Variants in ROCK1 observed in about 807,000 individuals in gnomAD.
The protein encoded by ROCK1 is Rho associated coiled-coil containing protein kinase 1.
ROCK1 carries 36 observed loss-of-function variants against 196.8 expected under a neutral mutation model. The observed-to-expected ratio is 0.18, with a 90% CI of 0.14 to 0.24. The LOEUF is 0.24. Among genes scored for constraint, ROCK1 ranks in the 10% least tolerant of loss-of-function variants. The probability of loss-of-function intolerance (pLI) is 1.00; values close to 1 mark genes in which losing one functional copy is unlikely to be tolerated. For synonymous variants in ROCK1, 443 were observed against 515.9 expected (o/e 0.86, Z 1.91); for missense variants, 920 against 1,562.0 (o/e 0.59, Z 6.93).
At chr18:21,060,192 T>C (rs2036276978) in intron 2 of ROCK1, among the ~76,000 whole-genome samples, 1 of 152,248 alleles carries the variant, frequency 6.6e-6, no homozygotes, top group African/African-American at 2.4e-5. Context: ...GTGAATTTTA[T>C]AGCATGTAAA....
intron 16 of ROCK1, among the ~76,000 whole-genome samples, chr18:20,999,466 T>C (rs1032454778): frequency 4.6e-5 from 7 of 151,998 alleles, no homozygotes; most frequent in East Asian, 1.9e-4. Flanking sequence ...ATTAAAAATA[T>C]GTAAAGCAAG....
At chr18:21,053,657 A>G (rs574223700) in intron 2 of ROCK1, among the ~76,000 whole-genome samples, 1 of 152,212 alleles carries the variant, frequency 6.6e-6, no homozygotes, top group Non-Finnish European at 1.5e-5. Context: ...ACAACATACC[A>G]AGACTTGTCT....
intron 1 of ROCK1, among the ~76,000 whole-genome samples, chr18:21,084,766 G>A (rs561480160): frequency 5.9e-5 from 9 of 152,290 alleles, no homozygotes; most frequent in African/African-American, 2.2e-4. Context: ...TACACCCAAA[G>A]GAACCGAAAG....
chr18:20,970,764 T>G (rs1289785546), intron 22 of ROCK1, among the ~76,000 whole-genome samples: 1 of 152,168 alleles, frequency 6.6e-6, no homozygotes, highest in Non-Finnish European at 1.5e-5. Flanking sequence ...CATAAAGCAA[T>G]AGCAAATAGT....
chr18:21,033,854 T>TAAAAAAAAAAAAGAAAAAA (rs2036031876), intron 9 of ROCK1, among the ~76,000 whole-genome samples: 1 of 33,464 alleles, frequency 3.0e-5, no homozygotes. Context: ...CCGTTTCTAC[T>TAAAAAAAAAAAAGAAAAAA]AAAAAAAAAA....
intron 1 of ROCK1, among the ~76,000 whole-genome samples, chr18:21,074,938 T>C (rs574357854): frequency 1.9e-4 from 29 of 152,160 alleles, no homozygotes; most frequent in African/African-American, 7.0e-4. Flanking sequence ...CAAGGCAATC[T>C]AGAGGTGAAA....
intron 2 of ROCK1, among the ~76,000 whole-genome samples, chr18:21,054,662 T>A (rs1420318984): frequency 2.6e-5 from 4 of 152,196 alleles, no homozygotes; most frequent in Non-Finnish European, 1.5e-5. Context: ...ACAGTTTTAC[T>A]TCCTGATTTA....
At chr18:21,055,329 C>T (rs1462922444) in intron 2 of ROCK1, among the ~76,000 whole-genome samples, 3 of 151,974 alleles carry the variant, frequency 2.0e-5, no homozygotes, top group African/African-American at 7.3e-5. Context: ...TCCCACTCTC[C>T]TAGAGACGTA....
intron 1 of ROCK1, among the ~76,000 whole-genome samples, chr18:21,087,017 T>C (rs1438528476): frequency 6.6e-6 from 1 of 152,172 alleles, no homozygotes; most frequent in Non-Finnish European, 1.5e-5. Flanking sequence ...AAGAAGATAT[T>C]AAACATGAAT....
intron 16 of ROCK1, among the ~76,000 whole-genome samples, chr18:21,003,279 C>T (rs1319560834): frequency 6.6e-6 from 1 of 151,848 alleles, no homozygotes; most frequent in Non-Finnish European, 1.5e-5. Context: ...AAAGAGATTA[C>T]AAAGAACACA....
intron 1 of ROCK1, among the ~76,000 whole-genome samples, chr18:21,084,882 G>A (rs370548674): frequency 1.3e-5 from 2 of 152,144 alleles, no homozygotes; most frequent in South Asian, 2.1e-4. Flanking sequence ...ATGGATAAAA[G>A]GTGGTATGTA....
chr18:20,961,659 T>G (rs895614112), intron 27 of ROCK1, among the ~76,000 whole-genome samples: 4 of 152,126 alleles, frequency 2.6e-5, no homozygotes, highest in Non-Finnish European at 5.9e-5. Context: ...TTGACTGAAT[T>G]GTGGGAAATA....
intron 1 of ROCK1, among the ~76,000 whole-genome samples, chr18:21,073,935 T>C (rs776143527): frequency 9.2e-5 from 14 of 152,256 alleles, no homozygotes; most frequent in Admixed American, 8.5e-4. Flanking sequence ...GGAGGATCAC[T>C]TGAAACCAGG....
Position 21,015,325 on chromosome 18 carries a change from T to C in ROCK1, c.1410+106A>G, listed in dbSNP as rs1266475279. 5 of 774,538 alleles carry C rather than the reference T, an allele frequency of 6.5e-6. No homozygotes were observed. In the African/African-American group the frequency reaches 8.7e-5, roughly 13 times the overall value. The allele number at this position is 774,538 out of a possible 1,614,324, so 48.0% of individuals were successfully genotyped here. ...TTTCATCACAATTCTCTGCTCTGTT[T>C]TGTGTTTCAAACTACAGAATTCAAA... is the stretch of plus-strand genomic sequence containing the variant. On this transcript the variant is annotated intron_variant, in intron 13 of 32. Transcript: ENST00000399799.
At chr18:21,011,511 A>G (rs960577942) in intron 13 of ROCK1, among the ~76,000 whole-genome samples, 1 of 152,234 alleles carries the variant, frequency 6.6e-6, no homozygotes, top group Non-Finnish European at 1.5e-5. Flanking sequence ...GCTGGAGTAC[A>G]GTGGTATGCT....
rs1226854199 is a variant in ROCK1 at position 20,950,965 on chromosome 18, G to A, written c.*419C>T. 1 of 156,816 alleles carries A rather than the reference G, an allele frequency of 6.4e-6. No homozygotes were observed. Among genetic ancestry groups the A allele is most frequent in the African/African-American group, 2.4e-5 (1 of 41,482 alleles). 9.7% of individuals were successfully genotyped at this position (156,816 alleles called of 1,614,324 possible). The stretch of plus-strand genomic sequence containing the variant: ...ACAAAACTTCAGTTTGTCTCATTTT[G>A]AGATATTTTCTTTACTCCTTCCATG... On this transcript the variant is annotated 3_prime_UTR_variant, in exon 33 of 33. Transcript: ENST00000399799.
At chr18:20,961,461 G>A (rs1437554155) in intron 27 of ROCK1, among the ~76,000 whole-genome samples, 2 of 152,040 alleles carry the variant, frequency 1.3e-5, no homozygotes, top group Admixed American at 6.6e-5. Flanking sequence ...CGAGGAATTC[G>A]GAAAAGGTTC....
At chr18:21,073,144 CA>C (rs1259861257) in intron 1 of ROCK1, among the ~76,000 whole-genome samples, 2 of 129,568 alleles carry the variant, frequency 1.5e-5, no homozygotes, top group African/African-American at 5.7e-5. Context: ...CAATCAATGT[CA>C]AAAAATTACA....
intron 9 of ROCK1, among the ~76,000 whole-genome samples, chr18:21,029,440 A>G (rs929459173): frequency 2.0e-5 from 3 of 152,198 alleles, no homozygotes; most frequent in South Asian, 4.1e-4. Context: ...CTCAGAATCC[A>G]GATGATCAAT....
Sources: gnomAD v4.1 joint callset for allele counts (sites outside exome capture counted in the v4.1 genomes callset) on GRCh38, gnomAD v4.1.1 for gene constraint, MANE v1.5 for transcripts, NCBI Gene and HGNC (gene_info 2026-07-23, HGNC 2026-07-21) for gene names.